Variants in BACH2 observed in about 807,000 individuals in gnomAD.
BACH2 encodes the protein BACH transcriptional regulator 2, also known as transcription regulator protein BACH2.
Under a neutral mutation model 61.8 loss-of-function variants are expected in BACH2, and 5 were observed. That is an observed-to-expected ratio of 0.08 (90% confidence interval 0.04 to 0.17). The LOEUF is 0.17. BACH2 is among the 10% of genes least tolerant of loss of function. BACH2 has a pLI of 1.00. For missense variants in BACH2, 824 were observed against 1,091.1 expected, an observed-to-expected ratio of 0.76 and a Z score of 3.45; for synonymous variants, 446 against 440.1, an observed-to-expected ratio of 1.01 and a Z score of -0.17.
chr6:89,934,907 T>C (rs1772917895), intron 8 of BACH2, among the ~76,000 whole-genome samples: 1 of 152,098 alleles, frequency 6.6e-6, no homozygotes, highest in African/African-American at 2.4e-5. Flanking sequence ...GTAACATGAA[T>C]GCAATCTGGC....
intron 6 of BACH2, among the ~76,000 whole-genome samples, chr6:89,959,601 T>C (rs1774626116): frequency 6.6e-6 from 1 of 152,236 alleles, no homozygotes; most frequent in African/African-American, 2.4e-5. Flanking sequence ...TCACTCTCTC[T>C]GTGCGTGTGT....
At chr6:90,058,920 T>A (rs1041619870) in intron 5 of BACH2, among the ~76,000 whole-genome samples, 1 of 152,236 alleles carries the variant, frequency 6.6e-6, no homozygotes, top group African/African-American at 2.4e-5. Context: ...TGGTTAGCCA[T>A]ATGTAGAAAG....
At chr6:90,044,660 T>C (rs143289721) in intron 5 of BACH2, among the ~76,000 whole-genome samples, 107 of 152,236 alleles carry the variant, frequency 7.0e-4, no homozygotes, top group African/African-American at 2.4e-3. Context: ...GACTGAACTA[T>C]GGAAGGAGCA....
chr6:89,987,799 T>C (rs991601834), intron 6 of BACH2, among the ~76,000 whole-genome samples: 2 of 152,128 alleles, frequency 1.3e-5, no homozygotes, highest in Non-Finnish European at 2.9e-5. Context: ...GACTCTAACA[T>C]GCCTTATTTT....
At chr6:89,939,752 C>T (rs1272753238) in intron 7 of BACH2, among the ~76,000 whole-genome samples, 6 of 138,790 alleles carry the variant, frequency 4.3e-5, no homozygotes, top group Admixed American at 4.0e-4. Flanking sequence ...GTAGCCTTAA[C>T]CTCCTGGGCT....
At chr6:90,205,485 G>C (rs899323754) in intron 4 of BACH2, among the ~76,000 whole-genome samples, 2 of 152,110 alleles carry the variant, frequency 1.3e-5, no homozygotes, top group Non-Finnish European at 2.9e-5. Context: ...ATTTTTGGTT[G>C]TCACAATTAG....
At chr6:90,132,005 A>G (rs1214502086) in intron 4 of BACH2, among the ~76,000 whole-genome samples, 1 of 152,232 alleles carries the variant, frequency 6.6e-6, no homozygotes, top group African/African-American at 2.4e-5. Context: ...TTTGCTGATG[A>G]TGGACATAAC....
intron 6 of BACH2, among the ~76,000 whole-genome samples, chr6:89,957,296 T>C (rs1584529889): frequency 6.6e-6 from 1 of 152,372 alleles, no homozygotes; most frequent in East Asian, 1.9e-4. Flanking sequence ...CATTATCACA[T>C]TCTTCTTCCA....
intron 4 of BACH2, among the ~76,000 whole-genome samples, chr6:90,114,987 A>C (rs550910678): frequency 1.3e-5 from 2 of 152,168 alleles, no homozygotes; most frequent in Admixed American, 1.3e-4. Flanking sequence ...TCTCTACAAT[A>C]AGAATTACAA....
At chr6:90,096,980 C>A (rs1782406842) in intron 4 of BACH2, among the ~76,000 whole-genome samples, 1 of 152,216 alleles carries the variant, frequency 6.6e-6, no homozygotes, top group African/African-American at 2.4e-5. Context: ...CACCCATAAC[C>A]ATGTGGCACT....
At chr6:90,200,054 GT>G (rs1313204196) in intron 4 of BACH2, among the ~76,000 whole-genome samples, 2 of 152,260 alleles carry the variant, frequency 1.3e-5, no homozygotes, top group East Asian at 3.9e-4. Flanking sequence ...CATACTGGAG[GT>G]TAAACCCAAG....
intron 6 of BACH2, among the ~76,000 whole-genome samples, chr6:90,005,641 G>T (rs1777366413): frequency 1.3e-5 from 2 of 152,204 alleles, no homozygotes; most frequent in South Asian, 4.1e-4. Context: ...ACAGGCAGGT[G>T]CCCTGAGCAG....
intron 5 of BACH2, among the ~76,000 whole-genome samples, chr6:90,054,426 C>T (rs1302822083): frequency 6.6e-6 from 1 of 152,136 alleles, no homozygotes; most frequent in African/African-American, 2.4e-5. Context: ...GGGAGGGGCG[C>T]CCACCACTGC....
chr6:90,203,918 G>T (rs950414695), intron 4 of BACH2, among the ~76,000 whole-genome samples: 1 of 152,248 alleles, frequency 6.6e-6, no homozygotes, highest in East Asian at 1.9e-4. Context: ...AGGAATGAAG[G>T]CCCTACCTGA....
At chr6:89,964,496 C>A (rs1774939309) in intron 6 of BACH2, among the ~76,000 whole-genome samples, 2 of 152,100 alleles carry the variant, frequency 1.3e-5, no homozygotes. Context: ...TTGGACCGTA[C>A]AAAATCTTCT....
intron 5 of BACH2, among the ~76,000 whole-genome samples, chr6:90,019,537 G>T (rs1008348880): frequency 6.6e-6 from 1 of 152,148 alleles, no homozygotes; most frequent in African/African-American, 2.4e-5. Flanking sequence ...TGTTCTTCCA[G>T]ATCTACAATT....
intron 8 of BACH2, among the ~76,000 whole-genome samples, chr6:89,935,489 G>C (rs1238340593): frequency 6.6e-6 from 1 of 152,198 alleles, no homozygotes; most frequent in Non-Finnish European, 1.5e-5. Context: ...GGTGCCGCGT[G>C]TGACAGCAGC....
chr6:90,251,788 A>G (rs1268260083), intron 3 of BACH2, among the ~76,000 whole-genome samples: 1 of 152,168 alleles, frequency 6.6e-6, no homozygotes, highest in African/African-American at 2.4e-5. Flanking sequence ...TAGGATTGTA[A>G]TGGAAAGTTA....
intron 6 of BACH2, among the ~76,000 whole-genome samples, chr6:89,961,820 A>G (rs529436749): frequency 2.6e-4 from 40 of 152,352 alleles, no homozygotes; most frequent in Non-Finnish European, 1.2e-4. Flanking sequence ...ATTGGTACAG[A>G]GGACACACTA....
Sources: gnomAD v4.1 joint callset for allele counts (sites outside exome capture counted in the v4.1 genomes callset) on GRCh38, gnomAD v4.1.1 for gene constraint, MANE v1.5 for transcripts, NCBI Gene and HGNC (gene_info 2026-07-23, HGNC 2026-07-21) for gene names.